The following FRMD8 variants were observed in gnomAD, a reference collection of about 807,000 sequenced individuals.
FRMD8 encodes FERM domain containing 8, also known as FERM domain-containing protein 8.
In FRMD8, 37 loss-of-function variants were observed where a neutral mutation model predicts 54.2. That is an observed-to-expected ratio of 0.68 (90% confidence interval 0.53 to 0.90). The LOEUF is 0.90. FRMD8 is among the 40% of genes least tolerant of loss of function. The pLI is 0.00. For synonymous variants in FRMD8, 246 were observed against 286.9 expected, an observed-to-expected ratio of 0.86 and a Z score of 1.44; for missense variants, 585 against 653.7, an observed-to-expected ratio of 0.89 and a Z score of 1.15.
At chr11:65,409,537 C>T (rs747624297) in intron 10 of FRMD8, among the ~76,000 whole-genome samples, 2 of 151,990 alleles carry the variant, frequency 1.3e-5, no homozygotes, top group Admixed American at 6.6e-5. Context: ...TTTGGGAGGC[C>T]GAGGCAGGCA....
chr11:65,394,534 G>A (rs192622777), intron 6 of FRMD8, 109 bp downstream of exon 6: 1 of 1,351,002 alleles, frequency 7.4e-7, no homozygotes, highest in African/African-American at 1.4e-5. Flanking sequence ...GGGTCCTGGA[G>A]TCAGGAGGCC....
upstream of FRMD8, chr11:65,382,979 G>A (rs1371705580): frequency 1.3e-5 from 2 of 152,298 alleles, no homozygotes; most frequent in Admixed American, 6.5e-5. This position sits in a 1 kb window ranked among gnomAD's most constrained non-coding sequence, Gnocchi z 4.4. Context: ...TGTCTGTCTG[G>A]ACAGGGATCT....
At chr11:65,403,839 G>A (rs1856131829) in intron 9 of FRMD8, among the ~76,000 whole-genome samples, 1 of 152,222 alleles carries the variant, frequency 6.6e-6, no homozygotes, top group South Asian at 2.1e-4. Flanking sequence ...GCATGTTGCT[G>A]TGCAGGAGTT....
chr11:65,386,092 G>C (rs535566805), upstream of FRMD8, among the ~76,000 whole-genome samples: 2 of 152,172 alleles, frequency 1.3e-5, no homozygotes, highest in Non-Finnish European at 2.9e-5. Flanking sequence ...CACCGCGCCC[G>C]GCCGACATAG....
At chr11:65,407,135 G>A (rs1052093571) in intron 10 of FRMD8, among the ~76,000 whole-genome samples, 5 of 151,890 alleles carry the variant, frequency 3.3e-5, no homozygotes, top group South Asian at 2.1e-4. Flanking sequence ...AAGTTGTGGC[G>A]GTATTCTGGA....
At chr11:65,368,539 G>A in the FRMD8 span, among the ~76,000 whole-genome samples, 1 of 151,496 alleles carries the variant, frequency 6.6e-6, no homozygotes, top group Non-Finnish European at 1.5e-5. Flanking sequence ...ACCTCTGTAT[G>A]CCAGCTAGAG....
chr11:65,401,982 A>G (rs1856094315), intron 9 of FRMD8, among the ~76,000 whole-genome samples: 1 of 152,030 alleles, frequency 6.6e-6, no homozygotes, highest in Non-Finnish European at 1.5e-5. Context: ...ATTTTACATC[A>G]GGTGTGATAT....
At chr11:65,396,420 C>T (rs1855955648) in intron 6 of FRMD8, among the ~76,000 whole-genome samples, 1 of 152,156 alleles carries the variant, frequency 6.6e-6, no homozygotes, top group South Asian at 2.1e-4. Context: ...TAGGGAGCCC[C>T]ATCACAATCC....
the FRMD8 span, chr11:65,377,516 G>C: frequency 1.5e-6 from 1 of 668,112 alleles, no homozygotes; most frequent in Non-Finnish European, 1.9e-6. Flanking sequence ...AGGTCCCCTC[G>C]TGAGTGCTGT....
At chr11:65,368,982 T>C in the FRMD8 span, among the ~76,000 whole-genome samples, 1 of 152,136 alleles carries the variant, frequency 6.6e-6, no homozygotes. Context: ...CATTATAGAA[T>C]GATGAAGGGG....
Position 65,396,999 on chromosome 11 carries a change from G to A in FRMD8, c.782G>A (p.Cys261Tyr). 1 of 1,458,288 alleles carries A rather than the reference G, an allele frequency of 6.9e-7. No homozygotes were observed. The highest frequency in any genetic ancestry group is 9.1e-7 in the Non-Finnish European group (1 of 1,098,952). 90.3% of individuals were successfully genotyped at this position (1,458,288 alleles called of 1,614,324 possible). A position where few individuals can be genotyped will look rare whatever the true frequency, so the allele number is the denominator to read the frequency against. The change falls in exon 7 of 11, where the codon TGC becomes TAC. Residue 261 changes from cysteine to tyrosine, a missense_variant. By Grantham distance (194) the Cys-to-Tyr change is radical. Transcript: ENST00000317568. ...CACTACCGCGCCTATCTCCTCAAGT[G>A]CCACGAGCTGCCGTTTTATGGGTAA... Reference protein sequence around the residue: ...GTHYRAYLLKCHELPFYGCAF... With the variant: ...GTHYRAYLLKYHELPFYGCAF...
intron 10 of FRMD8, among the ~76,000 whole-genome samples, chr11:65,406,168 C>T (rs1195297922): frequency 6.7e-6 from 1 of 149,948 alleles, no homozygotes; most frequent in African/African-American, 2.5e-5. Flanking sequence ...GCTGGGACTA[C>T]AGGTGTGTGC....
the FRMD8 span, chr11:65,375,420 G>A: frequency 6.6e-6 from 1 of 152,528 alleles, no homozygotes; most frequent in African/African-American, 2.4e-5. Flanking sequence ...GTAAGTCAAG[G>A]AAGGGTGAGG....
upstream of FRMD8, among the ~76,000 whole-genome samples, chr11:65,384,448 T>C (rs1227988746): frequency 6.6e-6 from 1 of 151,848 alleles, no homozygotes; most frequent in Non-Finnish European, 1.5e-5. Context: ...CCGCAGACAC[T>C]CCCAGGTGTC....
Sources: allele counts gnomAD v4.1 joint callset (sites outside exome capture counted in the v4.1 genomes callset), GRCh38; gene constraint gnomAD v4.1.1; non-coding constraint Gnocchi (gnomAD v3.1); transcripts MANE v1.5; gene names NCBI Gene and HGNC (gene_info 2026-07-23, HGNC 2026-07-21).